The following GLIS3 variants were observed in gnomAD, a reference collection of about 807,000 sequenced individuals.
GLIS3 encodes GLIS family zinc finger 3.
GLIS3 carries 53 observed loss-of-function variants against 78.6 expected under a neutral mutation model. The observed-to-expected ratio is 0.67, with a 90% CI of 0.54 to 0.85. GLIS3 has a LOEUF of 0.85. GLIS3 is among the 40% of genes least tolerant of loss of function. GLIS3 has a pLI of 0.00. For synonymous variants in GLIS3, 684 were observed against 509.9 expected, an observed-to-expected ratio of 1.34 and a Z score of -4.60; for missense variants, 1,703 against 1,231.1, an observed-to-expected ratio of 1.38 and a Z score of -5.74.
At chr9:4,150,061 G>C (rs143796249) in intron 2 of GLIS3, among the ~76,000 whole-genome samples, 1,623 of 148,434 alleles carry the variant, frequency 0.011, 17 homozygotes, top group Middle Eastern at 0.045. Context: ...CACACACACA[G>C]ATGAGCACAA....
At chr9:4,278,479 T>C (rs994961299) in intron 2 of GLIS3, among the ~76,000 whole-genome samples, 5 of 152,082 alleles carry the variant, frequency 3.3e-5, no homozygotes, top group Admixed American at 3.3e-4. Context: ...ACTGGTCAAA[T>C]TTGGGACAGT....
intron 2 of GLIS3, among the ~76,000 whole-genome samples, chr9:4,205,175 CAAAA>C (rs200420029): frequency 1.6e-5 from 2 of 124,748 alleles, no homozygotes; most frequent in Admixed American, 8.4e-5. Flanking sequence ...GAGACTCTGT[CAAAA>C]AAAAAAAAAA....
At chr9:4,071,042 C>T (rs1413770273) in intron 4 of GLIS3, 1 of 152,120 alleles carries the variant, frequency 6.6e-6, no homozygotes. Context: ...GATGCTTTGA[C>T]CAATGTTATG....
rs115448735 is a variant in GLIS3 at position 3,843,883 on chromosome 9, G to C, written c.2473+12126C>G. On this transcript the variant is annotated intron_variant, in intron 9 of 10. Transcript: ENST00000381971. ...GATGAACGTAAGAAGGGAGGGTTCA[G>C]TAGTCATACTTAAGTGAACTAGAAA... Among the ~76,000 whole-genome samples, 567 of 152,284 alleles carry C rather than the reference G, an allele frequency of 3.7e-3. 4 individuals carry two copies. Among genetic ancestry groups the C allele is most frequent in the African/African-American group, 0.013 (548 of 41,556 alleles).
At chr9:4,361,055 A>C in the GLIS3 span, among the ~76,000 whole-genome samples, 1 of 152,230 alleles carries the variant, frequency 6.6e-6, no homozygotes, top group Admixed American at 6.5e-5. Flanking sequence ...TCAAGAGTAC[A>C]CATGAAACTC....
intron 9 of GLIS3, among the ~76,000 whole-genome samples, chr9:3,846,714 G>C (rs150765694): frequency 1.1e-4 from 16 of 152,278 alleles, no homozygotes; most frequent in African/African-American, 3.4e-4. Flanking sequence ...CCATGGCCCA[G>C]AACTTTACTA....
intron 6 of GLIS3, 37 bp downstream of exon 6, chr9:3,932,323 T>C (rs559539949): frequency 1.3e-6 from 2 of 1,486,200 alleles, no homozygotes; most frequent in East Asian, 4.5e-5. Context: ...AATCTGAACA[T>C]GCTTTTCCCG....
At chr9:4,372,181 G>C in the GLIS3 span, among the ~76,000 whole-genome samples, 6 of 152,194 alleles carry the variant, frequency 3.9e-5, no homozygotes, top group African/African-American at 1.2e-4. Flanking sequence ...TGAAGAAAGA[G>C]AGAGTGCCAG....
chr9:4,028,514 T>G (rs1182325704), intron 4 of GLIS3, among the ~76,000 whole-genome samples: 1 of 152,162 alleles, frequency 6.6e-6, no homozygotes, highest in African/African-American at 2.4e-5. Context: ...GGTATAACAT[T>G]CATATAGAAA....
At chr9:4,342,609 A>T (rs558369843) in intron 2 of GLIS3, among the ~76,000 whole-genome samples, 3 of 152,290 alleles carry the variant, frequency 2.0e-5, no homozygotes, top group Non-Finnish European at 4.4e-5. Flanking sequence ...GAATACTATA[A>T]TAGTTCTTTT....
At chr9:4,173,585 CACACACACACACACACAT>C (rs1394658474) in intron 2 of GLIS3, among the ~76,000 whole-genome samples, 1 of 112,796 alleles carries the variant, frequency 8.9e-6, no homozygotes, top group Non-Finnish European at 2.1e-5. Context: ...CACACACACA[CACACACACACACACACAT>C]ATATATGTTT....
chr9:4,008,297 C>T (rs1821720154), intron 4 of GLIS3, among the ~76,000 whole-genome samples: 1 of 152,220 alleles, frequency 6.6e-6, no homozygotes, highest in East Asian at 1.9e-4. Flanking sequence ...ACCGCTTGGC[C>T]ATGACAAGTC....
intron 2 of GLIS3, among the ~76,000 whole-genome samples, chr9:4,280,194 A>AT (rs1264071993): frequency 4.6e-5 from 7 of 151,894 alleles, no homozygotes; most frequent in African/African-American, 1.5e-4. Flanking sequence ...TAATTATTTT[A>AT]TTTTTTGTAG....
At chr9:4,258,860 T>G (rs893036933) in intron 2 of GLIS3, among the ~76,000 whole-genome samples, 1 of 152,188 alleles carries the variant, frequency 6.6e-6, no homozygotes, top group Non-Finnish European at 1.5e-5. Flanking sequence ...CTTTTCTCAT[T>G]TATCCAAGCA....
chr9:4,227,628 G>A (rs1375707769), intron 2 of GLIS3, among the ~76,000 whole-genome samples: 2 of 152,224 alleles, frequency 1.3e-5, no homozygotes, highest in Non-Finnish European at 2.9e-5. Context: ...ACTCTGGAAT[G>A]TATAAAGTCT....
chr9:4,221,061 T>C (rs1447428306), intron 2 of GLIS3, among the ~76,000 whole-genome samples: 1 of 152,142 alleles, frequency 6.6e-6, no homozygotes, highest in Non-Finnish European at 1.5e-5. Context: ...ATAGAGGATA[T>C]CTTTTTTCTT....
the GLIS3 span, among the ~76,000 whole-genome samples, chr9:4,385,401 C>G: frequency 0.012 from 1,886 of 152,308 alleles, 37 homozygotes; most frequent in African/African-American, 0.043. Context: ...CAGTGGCTCA[C>G]GCCTATAATC....
chr9:3,896,051 T>C (rs1822808111), intron 7 of GLIS3, among the ~76,000 whole-genome samples: 1 of 152,238 alleles, frequency 6.6e-6, no homozygotes, highest in Non-Finnish European at 1.5e-5. Context: ...AGTCTTAATC[T>C]TCATCAAATT....
At chr9:4,435,512 G>C in the GLIS3 span, among the ~76,000 whole-genome samples, 1 of 152,118 alleles carries the variant, frequency 6.6e-6, no homozygotes, top group Non-Finnish European at 1.5e-5. Flanking sequence ...TCATCAAAAG[G>C]CATCATTTTA....
Sources: allele counts gnomAD v4.1 joint callset (sites outside exome capture counted in the v4.1 genomes callset), GRCh38; gene constraint gnomAD v4.1.1; transcripts MANE v1.5; gene names NCBI Gene and HGNC (gene_info 2026-07-23, HGNC 2026-07-21).